Variants in USP9Y observed in about 807,000 individuals in gnomAD.
USP9Y encodes ubiquitin carboxyl-terminal hydrolase 9Y.
USP9Y carries 41 observed loss-of-function variants against 53.1 expected under a neutral mutation model. That is an observed-to-expected ratio of 0.77 (90% confidence interval 0.60 to 1.00). The LOEUF is 1.00. Among genes scored for constraint, USP9Y ranks in the 50% least tolerant of loss-of-function variants. The pLI is 0.00. For synonymous variants in USP9Y, 220 were observed against 173.7 expected, an observed-to-expected ratio of 1.27 and a Z score of -2.09; for missense variants, 567 against 535.8, an observed-to-expected ratio of 1.06 and a Z score of -0.58.
At chrY:12,752,454 A>G in intron 12 of USP9Y, among the ~76,000 whole-genome samples, 1 of 32,812 alleles carries the variant, frequency 3.0e-5, no homozygotes, top group Non-Finnish European at 7.5e-5. Flanking sequence ...GTTAAAGTCC[A>G]TGAGGCTTTT....
chrY:12,754,631 C>T (rs2053466754), intron 12 of USP9Y, among the ~76,000 whole-genome samples: 1 of 32,636 alleles, frequency 3.1e-5, no homozygotes, highest in Non-Finnish European at 7.5e-5. Context: ...TTCATGTCAT[C>T]GTAATGTAAT....
chrY:12,781,575 C>T (rs2053498484), intron 22 of USP9Y, among the ~76,000 whole-genome samples: 1 of 33,784 alleles, frequency 3.0e-5, no homozygotes, highest in Non-Finnish European at 7.4e-5. Flanking sequence ...TTGAGTCAGT[C>T]CTCTCAAACT....
chrY:12,752,807 C>T (rs968097669), intron 12 of USP9Y, among the ~76,000 whole-genome samples: 1 of 33,533 alleles, frequency 3.0e-5, no homozygotes, highest in Non-Finnish European at 7.4e-5. Flanking sequence ...CAAGATCTCA[C>T]CCTGTCTGTT....
Position 12,845,237 on chromosome Y carries a change from GA to G in USP9Y, c.6569-1089del. Among the ~76,000 whole-genome samples the G allele has an allele frequency of 9.0e-5, 3 of 33,286 alleles. No homozygotes were observed. The South Asian group carries it at 2.0e-3, about 22-fold the overall frequency. 89.3% of individuals were successfully genotyped at this position (33,286 alleles called of 37,273 possible). On this transcript the variant is annotated intron_variant, in intron 39 of 45. Coordinates refer to ENST00000338981, the MANE Select transcript of USP9Y (RefSeq NM_004654.4). ...AAGAAAGTATTAAAAATTATCAATA[GA>G]AAAAAATTGCGGCTGCTTTATATTA...
At chrY:12,776,919 T>G in intron 19 of USP9Y, 59 bp downstream of exon 19, 22 of 286,489 alleles carry the variant, frequency 7.7e-5, no homozygotes, top group Non-Finnish European at 1.2e-4. Flanking sequence ...TTCTTAGAAA[T>G]TTACTTAGGA....
At chrY:12,785,587 TG>T (rs2053500845) in intron 22 of USP9Y, among the ~76,000 whole-genome samples, 1 of 33,277 alleles carries the variant, frequency 3.0e-5, no homozygotes, top group Admixed American at 2.7e-4. Flanking sequence ...TTTTCCAAAG[TG>T]GCTGTACCAC....
chrY:12,778,568 T>C, intron 20 of USP9Y, 38 bp from the exon 21 acceptor site: 1 of 392,515 alleles, frequency 2.5e-6, no homozygotes, highest in Non-Finnish European at 3.6e-6. Context: ...AGAAATGTTT[T>C]GCCTTGTCTT....
intron 34 of USP9Y, among the ~76,000 whole-genome samples, chrY:12,837,333 T>C: frequency 3.2e-5 from 1 of 31,682 alleles, no homozygotes; most frequent in Non-Finnish European, 7.6e-5. Context: ...TTGGGGTGAT[T>C]CAGGTGTCTT....
chrY:12,800,000 G>A, intron 27 of USP9Y, among the ~76,000 whole-genome samples: 1 of 33,083 alleles, frequency 3.0e-5, no homozygotes, highest in Non-Finnish European at 7.5e-5. Context: ...GGTTTCCCTC[G>A]CCTTCCACCA....
chrY:12,759,157 A>C (rs2053472588), intron 14 of USP9Y, among the ~76,000 whole-genome samples: 1 of 33,751 alleles, frequency 3.0e-5, no homozygotes, highest in Non-Finnish European at 7.4e-5. Context: ...ACATGACAAG[A>C]CTGTTTAAAG....
chrY:12,742,196 A>G, intron 12 of USP9Y, among the ~76,000 whole-genome samples: 1 of 33,446 alleles, frequency 3.0e-5, no homozygotes, highest in Non-Finnish European at 7.4e-5. Flanking sequence ...TGCTGACTTG[A>G]AGAATGAAGC....
intron 12 of USP9Y, among the ~76,000 whole-genome samples, chrY:12,743,083 G>A (rs567155743): frequency 3.2e-5 from 1 of 31,642 alleles, no homozygotes; most frequent in African/African-American, 1.2e-4. Context: ...CTATTTAATT[G>A]TTTGCAGTCT....
At chrY:12,825,028 G>A in intron 33 of USP9Y, among the ~76,000 whole-genome samples, 1 of 32,561 alleles carries the variant, frequency 3.1e-5, no homozygotes, top group Non-Finnish European at 7.5e-5. Context: ...ACAGGTTCAA[G>A]CGATTCTCCT....
intron 29 of USP9Y, among the ~76,000 whole-genome samples, chrY:12,811,040 T>C: frequency 1.2e-4 from 4 of 34,197 alleles, no homozygotes; most frequent in Admixed American, 2.6e-4. Context: ...TTGTTCAATG[T>C]GTTTTACTTT....
chrY:12,813,043 G>A lies in USP9Y; in HGVS notation c.4600G>A (p.Ala1534Thr), dbSNP rs750855279. Residue 1534 changes from alanine to threonine, a missense_variant, in exon 31 of 46, where the codon GCA becomes ACA. Coordinates refer to ENST00000338981, the MANE Select transcript of USP9Y (RefSeq NM_004654.4). ...GACTGAAATGTATTACATGGGCACA[G>A]CAATTACTAGTGAGTATTTTAAATT... Reference protein sequence around the residue: ...CLTEMYYMGTAITTCEALTEW... With the variant: ...CLTEMYYMGTTITTCEALTEW... 9 of 385,832 alleles carry A rather than the reference G, an allele frequency of 2.3e-5. No individual in the cohort carries two copies. The East Asian group carries it at 4.7e-4, about 20-fold the overall frequency.
chrY:12,707,114 T>TTTTGTTTG (rs149371456), intron 1 of USP9Y, among the ~76,000 whole-genome samples: 10 of 29,970 alleles, frequency 3.3e-4, no homozygotes, highest in African/African-American at 1.4e-3. Flanking sequence ...CAATTAACTT[T>TTTTGTTTG]TTTGTTTGTT....
intron 33 of USP9Y, among the ~76,000 whole-genome samples, chrY:12,819,082 G>A (rs1603202236): frequency 1.8e-4 from 6 of 33,406 alleles, no homozygotes; most frequent in African/African-American, 4.7e-4. Context: ...GGAAGGCTGA[G>A]GCAGGAGAAT....
chrY:12,786,346 C>T lies in USP9Y; in HGVS notation c.3282+13C>T. The T allele has an allele frequency of 5.0e-6, 2 of 397,352 alleles. No homozygotes were observed. The highest frequency in any genetic ancestry group is 7.1e-6 in the Non-Finnish European group (2 of 282,637). ...ATACCTAACAGAGGTTGGTTTTTGC[C>T]TTTGCAAAAATGTAATTTTTATATT... On this transcript the variant is annotated intron_variant, in intron 23 of 45. Transcript: ENST00000338981.
intron 12 of USP9Y, among the ~76,000 whole-genome samples, chrY:12,752,245 T>A (rs2053464664): frequency 3.0e-5 from 1 of 32,899 alleles, no homozygotes; most frequent in Non-Finnish European, 7.4e-5. Flanking sequence ...ACTATATACC[T>A]CTTCATTGAT....
Sources: gnomAD v4.1 joint callset for allele counts (sites outside exome capture counted in the v4.1 genomes callset) on GRCh38, gnomAD v4.1.1 for gene constraint, MANE v1.5 for transcripts, NCBI Gene and HGNC (gene_info 2026-07-23, HGNC 2026-07-21) for gene names.